Variants in CDKL4 observed in about 807,000 individuals in gnomAD.
The protein encoded by CDKL4 is cyclin-dependent kinase-like 4.
In CDKL4, 44 loss-of-function variants were observed where a neutral mutation model predicts 42.0. That is an observed-to-expected ratio of 1.05 (90% confidence interval 0.82 to 1.35). CDKL4 has a LOEUF of 1.35. CDKL4 is among the 40% of genes most tolerant of loss of function. The pLI is 0.00. For synonymous variants in CDKL4, 120 were observed against 121.6 expected (o/e 0.99, Z 0.09); for missense variants, 393 against 369.9 (o/e 1.06, Z -0.51).
At chr2:39,184,901 A>G (rs1675633221) in intron 7 of CDKL4, among the ~76,000 whole-genome samples, 2 of 151,380 alleles carry the variant, frequency 1.3e-5, no homozygotes, top group African/African-American at 4.9e-5. Flanking sequence ...CACACAGCTA[A>G]TTTTTTATTT....
At chr2:39,206,739 T>C (rs1484011155) in intron 4 of CDKL4, among the ~76,000 whole-genome samples, 1 of 152,248 alleles carries the variant, frequency 6.6e-6, no homozygotes, top group East Asian at 1.9e-4. Flanking sequence ...GCAACAATCC[T>C]GTGATTGCAA....
At chr2:39,180,370 G>A (rs1675365963) in intron 8 of CDKL4, among the ~76,000 whole-genome samples, 1 of 152,226 alleles carries the variant, frequency 6.6e-6, no homozygotes, top group African/African-American at 2.4e-5. Flanking sequence ...GTTGCCTGAG[G>A]CTGCCCCAGC....
chr2:39,168,299 A>G, the CDKL4 span, among the ~76,000 whole-genome samples: 7 of 152,360 alleles, frequency 4.6e-5, no homozygotes, highest in East Asian at 1.3e-3. Context: ...AATCTTCAAT[A>G]TGACAATATT....
At chr2:39,182,030 A>G (rs1464380418) in intron 8 of CDKL4, among the ~76,000 whole-genome samples, 1 of 152,072 alleles carries the variant, frequency 6.6e-6, no homozygotes. Flanking sequence ...CACCCAGGCT[A>G]CAGTGCAGTG....
chr2:39,209,040 C>T (rs1282207188), intron 4 of CDKL4, among the ~76,000 whole-genome samples: 1 of 150,412 alleles, frequency 6.6e-6, no homozygotes, highest in Non-Finnish European at 1.5e-5. Flanking sequence ...GTGGCTCATG[C>T]TTGTAATCCT....
At chr2:39,241,566 T>C (rs1679663488) in intron 1 of CDKL4, among the ~76,000 whole-genome samples, 1 of 152,336 alleles carries the variant, frequency 6.6e-6, no homozygotes, top group Admixed American at 6.5e-5. Flanking sequence ...CTGTACGCCG[T>C]GGCCCCAATT....
intron 5 of CDKL4, among the ~76,000 whole-genome samples, chr2:39,195,219 T>G (rs927378359): frequency 6.6e-6 from 1 of 152,250 alleles, no homozygotes; most frequent in African/African-American, 2.4e-5. Context: ...GATGGACATT[T>G]GGGTTGTTTC....
At chr2:39,218,319 G>A (rs1483550332) in intron 3 of CDKL4, among the ~76,000 whole-genome samples, 1 of 152,008 alleles carries the variant, frequency 6.6e-6, no homozygotes, top group African/African-American at 2.4e-5. Context: ...TGGGCCACAT[G>A]GCAAGACCCT....
At chr2:39,219,579 C>A (rs1023124886) in intron 3 of CDKL4, among the ~76,000 whole-genome samples, 1 of 152,014 alleles carries the variant, frequency 6.6e-6, no homozygotes, top group Non-Finnish European at 1.5e-5. Context: ...TGCCACCACA[C>A]CTGGCTAATT....
chr2:39,178,765 G>A (rs1675274341), intron 9 of CDKL4: 9 of 1,595,946 alleles, frequency 5.6e-6, no homozygotes, highest in Non-Finnish European at 7.7e-6. Context: ...GCCTGCTGTG[G>A]GTGAAAAGAT....
intron 1 of CDKL4, among the ~76,000 whole-genome samples, chr2:39,240,207 C>G (rs1264550419): frequency 6.6e-6 from 1 of 151,864 alleles, no homozygotes; most frequent in African/African-American, 2.4e-5. Flanking sequence ...GTCAGGAGTT[C>G]GAGACCAGCC....
chr2:39,175,134 C>G (rs1488226598), downstream of CDKL4, among the ~76,000 whole-genome samples: 3 of 152,110 alleles, frequency 2.0e-5, no homozygotes, highest in Admixed American at 2.0e-4. Context: ...GATGCCCTCA[C>G]TAGTTTTGGG....
Position 39,190,482 on chromosome 2 carries a change from C to T in CDKL4, c.475G>A (p.Asp159Asn), listed in dbSNP as rs147480081. 3.7e-5 allele frequency: 59 copies of T among 1,614,076 alleles called. No individual in the cohort carries two copies. In the East Asian group the frequency reaches 8.5e-4, roughly 23 times the overall value. The change falls in exon 6 of 10, where the codon GAT becomes AAT. Residue 159 changes from aspartate to asparagine, a missense_variant. By Grantham distance (23) the Asp-to-Asn change is conservative. Coordinates refer to ENST00000451199, the Ensembl canonical transcript of CDKL4. ...CGGTACCATCTCGTAGCTACATAAT[C>T]GGTGTAGGCATCTCCTGGAACTGCA...
chr2:39,200,788 G>A (rs1676797198), intron 5 of CDKL4, among the ~76,000 whole-genome samples: 1 of 152,200 alleles, frequency 6.6e-6, no homozygotes, highest in African/African-American at 2.4e-5. Context: ...CAAGCCACAT[G>A]TAGAAGAATG....
intron 2 of CDKL4, among the ~76,000 whole-genome samples, chr2:39,226,456 T>TTATATATATTATATA (rs1396098912): frequency 2.2e-5 from 3 of 137,422 alleles, no homozygotes; most frequent in South Asian, 2.2e-4. Flanking sequence ...TATATATATA[T>TTATATATATTATATA]TATATATATT....
At chr2:39,229,702 AATCCACTTAAAAATATTTGGAT>A in intron 1 of CDKL4, 114 bp from the exon 2 acceptor site, 1 of 453,544 alleles carries the variant, frequency 2.2e-6, no homozygotes, top group Non-Finnish European at 3.8e-6. Context: ...ATTAATTGGA[AATCCACTTAAAAATATTTGGAT>A]ATTATTTTGT....
chr2:39,185,157 TAC>T (rs1295150275), intron 7 of CDKL4, among the ~76,000 whole-genome samples: 5 of 136,600 alleles, frequency 3.7e-5, no homozygotes, highest in South Asian at 4.4e-4. Flanking sequence ...TGTATATATA[TAC>T]ACATATGTAT....
At chr2:39,186,387 T>C (rs891136907) in intron 7 of CDKL4, among the ~76,000 whole-genome samples, 9 of 152,210 alleles carry the variant, frequency 5.9e-5, no homozygotes, top group Admixed American at 5.9e-4. Context: ...GCCCCATCCC[T>C]GCGTGGCTCT....
chr2:39,197,655 C>T (rs886256596), intron 5 of CDKL4, among the ~76,000 whole-genome samples: 9 of 152,166 alleles, frequency 5.9e-5, no homozygotes, highest in African/African-American at 2.2e-4. Flanking sequence ...AGAAACCCTA[C>T]AAGCTAGAGG....
Sources: allele counts gnomAD v4.1 joint callset (sites outside exome capture counted in the v4.1 genomes callset), GRCh38; gene constraint gnomAD v4.1.1; transcripts MANE v1.5; gene names NCBI Gene and HGNC (gene_info 2026-07-23, HGNC 2026-07-21).